PCDHA9: variants seen among roughly 807,000 people sequenced by gnomAD.
PCDHA9 encodes protocadherin alpha-9.
In PCDHA9, 62 loss-of-function variants were observed where a neutral mutation model predicts 62.0. That is an observed-to-expected ratio of 1.00 (90% confidence interval 0.81 to 1.23). PCDHA9 has a LOEUF of 1.23. PCDHA9 is among the 50% of genes most tolerant of loss of function. The probability of loss-of-function intolerance (pLI) is 0.00; values close to 1 mark genes in which losing one functional copy is unlikely to be tolerated. For missense variants in PCDHA9, 1,205 were observed against 1,249.8 expected, an observed-to-expected ratio of 0.96 and a Z score of 0.54; for synonymous variants, 557 against 567.6, an observed-to-expected ratio of 0.98 and a Z score of 0.27.
At chr5:140,973,004 G>A (rs1183511655) in intron 1 of PCDHA9, among the ~76,000 whole-genome samples, 4 of 152,096 alleles carry the variant, frequency 2.6e-5, no homozygotes, top group African/African-American at 9.7e-5. Flanking sequence ...ATTTGTGGTC[G>A]TGGTGTTGTG....
rs1236098574 is a variant in PCDHA9 at position 140,852,665 on chromosome 5, C to T, written c.2394+1776C>T. The T allele has an allele frequency of 2.1e-6, 2 of 964,268 alleles. 1 individual carries two copies. The highest frequency in any genetic ancestry group is 3.6e-5 in the African/African-American group (2 of 55,886). 59.7% of individuals were successfully genotyped at this position (964,268 alleles called of 1,614,324 possible). A position where few individuals can be genotyped will look rare whatever the true frequency, so the allele number is the denominator to read the frequency against. Reference sequence around the variant, plus strand: ...AAACCTATCTATATCTGTCTATCAGCACAACTCACCTTGAATATAGTCTTA... The same window carrying T: ...AAACCTATCTATATCTGTCTATCAGTACAACTCACCTTGAATATAGTCTTA... On this transcript the variant is annotated intron_variant, in intron 1 of 3. Transcript: ENST00000532602.
chr5:140,888,994 T>A (rs1486471421), intron 1 of PCDHA9, among the ~76,000 whole-genome samples: 5 of 152,154 alleles, frequency 3.3e-5, no homozygotes, highest in African/African-American at 1.2e-4. Flanking sequence ...TATGATTTTC[T>A]TATGGCAAAC....
chr5:140,955,914 G>A (rs1293205418), intron 1 of PCDHA9, among the ~76,000 whole-genome samples: 1 of 152,140 alleles, frequency 6.6e-6, no homozygotes, highest in East Asian at 1.9e-4. Context: ...TAGCAATTGT[G>A]AATGGGAGTT....
intron 1 of PCDHA9, among the ~76,000 whole-genome samples, chr5:140,874,018 G>T (rs1033387450): frequency 1.3e-5 from 2 of 152,114 alleles, no homozygotes; most frequent in Admixed American, 1.3e-4. Context: ...TTTTGAAAAT[G>T]AAAAATAGGA....
chr5:140,981,940 T>A (rs2096958372), intron 2 of PCDHA9, among the ~76,000 whole-genome samples: 1 of 152,160 alleles, frequency 6.6e-6, no homozygotes, highest in Non-Finnish European at 1.5e-5. Flanking sequence ...TCAGGAAATA[T>A]AGGGTGGGTC....
At chr5:140,982,658 C>G (rs530615346) in intron 3 of PCDHA9, 95 bp downstream of exon 3, 2 of 1,487,730 alleles carry the variant, frequency 1.3e-6, no homozygotes, top group East Asian at 4.9e-5. Context: ...GGCTCTTTTT[C>G]TTTTATATTT....
intron 1 of PCDHA9, chr5:140,877,033 C>A: frequency 6.2e-7 from 1 of 1,612,480 alleles, no homozygotes; most frequent in East Asian, 2.2e-5. Flanking sequence ...GTACGCGCTG[C>A]AGCCGCTAGA....
intron 1 of PCDHA9, chr5:140,870,584 T>A (rs782563992): frequency 1.1e-5 from 18 of 1,613,672 alleles, no homozygotes; most frequent in Non-Finnish European, 1.3e-5. Flanking sequence ...TACTCGCTGG[T>A]GGAGCGGCGG....
intron 1 of PCDHA9, chr5:140,876,238 C>G (rs782170059): frequency 2.5e-6 from 4 of 1,613,896 alleles, no homozygotes; most frequent in Non-Finnish European, 3.4e-6. Context: ...TGAAAATGTC[C>G]AAAACGACAC....
intron 1 of PCDHA9, chr5:140,968,952 T>C: frequency 1.2e-6 from 2 of 1,614,192 alleles, no homozygotes; most frequent in Non-Finnish European, 1.7e-6. Context: ...TTGAGCATCA[T>C]CAAGTGCTAC....
rs782762108 is a variant in PCDHA9 at position 140,876,906 on chromosome 5, G to A, written c.2394+26017G>A. 3.7e-6 allele frequency: 6 copies of A among 1,613,910 alleles called. No homozygotes were observed. In the African/African-American group the frequency reaches 8.0e-5, roughly 22 times the overall value. On this transcript the variant is annotated intron_variant, in intron 1 of 3. Transcript: ENST00000532602. Reference sequence around the variant, plus strand: ...CGGGCTGCCACATCTTCACGGTGTCGGCATGGGACGCGGACGCGCAGAAGA... The same window carrying A: ...CGGGCTGCCACATCTTCACGGTGTCAGCATGGGACGCGGACGCGCAGAAGA...
chr5:140,961,025 C>G (rs1283958205), intron 1 of PCDHA9, among the ~76,000 whole-genome samples: 1 of 152,150 alleles, frequency 6.6e-6, no homozygotes, highest in African/African-American at 2.4e-5. Context: ...CACTTGCTAC[C>G]TCCTTGTTTT....
rs2150462015 is a variant in PCDHA9 at position 140,849,990 on chromosome 5, T to G, written c.1495T>G (p.Leu499Val). Residue 499 changes from leucine to valine, a missense_variant, in exon 1 of 4, where the codon TTG becomes GTG. Coordinates refer to ENST00000532602, the MANE Select transcript of PCDHA9 (RefSeq NM_031857.2). ...GTCCTACTCGCTGGTGGAGCGGCGGTTGGGCGAGCGCTCGCTGTCGAGCTA... is the reference window on the plus strand; with the variant it reads ...GTCCTACTCGCTGGTGGAGCGGCGGGTGGGCGAGCGCTCGCTGTCGAGCTA... ...LVSYSLVERR[L>V]GERSLSSYVS... 9.1e-5 allele frequency: 145 copies of G among 1,596,718 alleles called. 14 individuals carry two copies. The highest frequency in any genetic ancestry group is 5.1e-4 in the Admixed American group (30 of 59,270).
At chr5:140,971,181 C>T (rs1364149664) in intron 1 of PCDHA9, among the ~76,000 whole-genome samples, 1 of 152,104 alleles carries the variant, frequency 6.6e-6, no homozygotes, top group Non-Finnish European at 1.5e-5. Context: ...AGCTGTAAGC[C>T]GGAAGCTCAG....
At chr5:140,896,470 C>T (rs1583233416) in intron 1 of PCDHA9, among the ~76,000 whole-genome samples, 2 of 151,962 alleles carry the variant, frequency 1.3e-5, no homozygotes, top group South Asian at 4.2e-4. Context: ...TCAAGCGGTT[C>T]TCCTGCCTCA....
intron 1 of PCDHA9, chr5:140,884,070 C>T: frequency 1.2e-6 from 2 of 1,613,516 alleles, no homozygotes; most frequent in Non-Finnish European, 1.7e-6. Context: ...GACGCCGATT[C>T]GGGCTACAAT....
intron 3 of PCDHA9, among the ~76,000 whole-genome samples, chr5:140,993,762 A>G (rs1019928055): frequency 2.6e-5 from 4 of 152,204 alleles, no homozygotes; most frequent in Non-Finnish European, 4.4e-5. Flanking sequence ...TTATATTACA[A>G]TTGCGCAGTA....
chr5:140,927,340 G>C, intron 1 of PCDHA9: 1 of 1,614,030 alleles, frequency 6.2e-7, no homozygotes, highest in Non-Finnish European at 8.5e-7. Flanking sequence ...GAATGCCCAA[G>C]ATGACGACGA....
chr5:140,870,918 G>A, intron 1 of PCDHA9: 1 of 1,613,956 alleles, frequency 6.2e-7, no homozygotes, highest in Non-Finnish European at 8.5e-7. Context: ...ACAACGCGTG[G>A]CTTTCATATG....
Sources: allele counts gnomAD v4.1 joint callset (sites outside exome capture counted in the v4.1 genomes callset), GRCh38; gene constraint gnomAD v4.1.1; transcripts MANE v1.5; gene names NCBI Gene and HGNC (gene_info 2026-07-23, HGNC 2026-07-21).